Variants in CLASP1 observed in about 807,000 individuals in gnomAD.
CLASP1 encodes CLIP-associating protein 1.
CLASP1 carries 38 observed loss-of-function variants against 192.3 expected under a neutral mutation model. That is an observed-to-expected ratio of 0.20 (90% CI 0.15 to 0.26). The LOEUF is 0.26. Among genes scored for constraint, CLASP1 ranks in the 10% least tolerant of loss-of-function variants. The pLI is 1.00. For missense variants in CLASP1, 1,433 were observed against 1,932.5 expected, an observed-to-expected ratio of 0.74 and a Z score of 4.85; for synonymous variants, 691 against 712.8, an observed-to-expected ratio of 0.97 and a Z score of 0.49.
chr2:121,352,216 A>G (rs2064581148), intron 37 of CLASP1, among the ~76,000 whole-genome samples: 1 of 152,256 alleles, frequency 6.6e-6, no homozygotes, highest in Admixed American at 6.5e-5. Flanking sequence ...GCCTTCCTCC[A>G]GCTCAAGGGC....
intron 2 of CLASP1, among the ~76,000 whole-genome samples, chr2:121,573,962 G>A (rs898314628): frequency 1.3e-5 from 2 of 152,186 alleles, no homozygotes; most frequent in African/African-American, 4.8e-5. Flanking sequence ...GGTTACCAGG[G>A]TGCCTGGGGG....
chr2:121,371,355 C>T (rs1329601172), intron 34 of CLASP1, among the ~76,000 whole-genome samples: 1 of 151,836 alleles, frequency 6.6e-6, no homozygotes, highest in East Asian at 1.9e-4. Context: ...TGCAGCTTCT[C>T]GAGTAGCTGG....
chr2:121,638,709 C>T lies in CLASP1; in HGVS notation c.-286+10663G>A, dbSNP rs1410793736. Among the ~76,000 whole-genome samples, 8 of 150,266 alleles carry T rather than the reference C, an allele frequency of 5.3e-5. 1 individual carries two copies. Among genetic ancestry groups the T allele is most frequent in the Admixed American group, 2.0e-4 (3 of 15,068 alleles). On this transcript the variant is annotated intron_variant, in intron 1 of 39. Transcript: ENST00000263710. ...TGAGACAGAGTTTTGCTCTTTTTGC[C>T]GAGGCTGGAGTGCAGTGGCATGATC... is the stretch of plus-strand genomic sequence containing the variant.
At chr2:121,349,621 GCA>G (rs908541411) in intron 37 of CLASP1, among the ~76,000 whole-genome samples, 19 of 152,194 alleles carry the variant, frequency 1.2e-4, no homozygotes, top group Non-Finnish European at 2.1e-4. Context: ...AGTTGGGAAG[GCA>G]CAGAGAGAAG....
At chr2:121,485,617 A>G (rs1402854595) in intron 8 of CLASP1, among the ~76,000 whole-genome samples, 1 of 152,100 alleles carries the variant, frequency 6.6e-6, no homozygotes, top group Non-Finnish European at 1.5e-5. Flanking sequence ...TAATCTCAGC[A>G]CTTTGGGAGG....
chr2:121,402,168 G>C (rs932804754), intron 26 of CLASP1, among the ~76,000 whole-genome samples: 2 of 152,066 alleles, frequency 1.3e-5, no homozygotes, highest in Non-Finnish European at 2.9e-5. Flanking sequence ...TATAAAATGA[G>C]CCAATAAAAA....
chr2:121,599,960 TTTTG>T (rs2063611414), intron 2 of CLASP1, among the ~76,000 whole-genome samples: 1 of 151,448 alleles, frequency 6.6e-6, no homozygotes, highest in African/African-American at 2.4e-5. Flanking sequence ...AGCTTCAAAG[TTTTG>T]TTTAATATAA....
At chr2:121,418,496 G>T in intron 23 of CLASP1, 126 bp downstream of exon 23, 1 of 696,010 alleles carries the variant, frequency 1.4e-6, no homozygotes, top group Non-Finnish European at 2.5e-6. Flanking sequence ...CTAAGGAAGA[G>T]GAAAGAAAGA....
chr2:121,504,219 C>T (rs1246976758), intron 7 of CLASP1, among the ~76,000 whole-genome samples: 1 of 143,684 alleles, frequency 7.0e-6, no homozygotes, highest in African/African-American at 2.8e-5. Flanking sequence ...GCAACAAGAG[C>T]GAAACTCCGT....
intron 30 of CLASP1, among the ~76,000 whole-genome samples, chr2:121,393,258 C>G (rs1241378794): frequency 6.6e-6 from 1 of 152,064 alleles, no homozygotes; most frequent in East Asian, 1.9e-4. Flanking sequence ...ATTTGGAATA[C>G]CTACCCTAAA....
intron 1 of CLASP1, among the ~76,000 whole-genome samples, chr2:121,642,262 A>T (rs1409980099): frequency 6.6e-6 from 1 of 151,572 alleles, no homozygotes; most frequent in South Asian, 2.1e-4. Context: ...TACAAAAAAT[A>T]CAAAAATTAG....
chr2:121,549,197 T>G (rs2057765990), intron 2 of CLASP1, among the ~76,000 whole-genome samples: 1 of 152,066 alleles, frequency 6.6e-6, no homozygotes, highest in African/African-American at 2.4e-5. Context: ...GAAACTGATC[T>G]CACATGCAAT....
At chr2:121,515,627 T>C (rs762420459) in intron 7 of CLASP1, 38 bp downstream of exon 7, 1 of 1,465,710 alleles carries the variant, frequency 6.8e-7, no homozygotes, top group Non-Finnish European at 9.4e-7. Context: ...GGGCGGGGGG[T>C]TGGGTAGAGC....
chr2:121,344,961 C>G (rs1260027269), intron 39 of CLASP1, among the ~76,000 whole-genome samples: 2 of 152,120 alleles, frequency 1.3e-5, no homozygotes, highest in Non-Finnish European at 2.9e-5. Context: ...AGTTCGAGAC[C>G]AGCCTGGCCA....
intron 30 of CLASP1, among the ~76,000 whole-genome samples, chr2:121,391,558 G>A (rs2074352725): frequency 6.6e-6 from 1 of 152,196 alleles, no homozygotes. Flanking sequence ...TAATAATCTT[G>A]AAAGTAGTAT....
chr2:121,590,046 T>C (rs557698533), intron 2 of CLASP1, among the ~76,000 whole-genome samples: 3 of 152,290 alleles, frequency 2.0e-5, no homozygotes, highest in Admixed American at 2.0e-4. Context: ...CTATTTTATT[T>C]ACCTTATTTC....
intron 8 of CLASP1, among the ~76,000 whole-genome samples, chr2:121,473,633 T>C (rs2091144256): frequency 2.0e-5 from 3 of 152,102 alleles, no homozygotes; most frequent in Admixed American, 2.0e-4. Context: ...AGAAGCTGCA[T>C]GCCCCAAGCA....
At chr2:121,355,757 C>T (rs2065270433) in intron 37 of CLASP1, among the ~76,000 whole-genome samples, 1 of 152,302 alleles carries the variant, frequency 6.6e-6, no homozygotes, top group Non-Finnish European at 1.5e-5. Flanking sequence ...CAAAGGAAGA[C>T]AACACCACTT....
rs935130307 is a variant in CLASP1 at position 121,582,649 on chromosome 2, G to A, written c.195+23052C>T. On this transcript the variant is annotated intron_variant, in intron 2 of 39. Transcript: ENST00000263710. ...AGGGAAAGGGGAAGGGAGAGAGAGG[G>A]AGAGAGAGGGAGAAAGTCTTCTTCC... 2.0e-5 allele frequency among the ~76,000 whole-genome samples: 3 copies of A among 150,716 alleles called. No homozygotes were observed. The East Asian group carries it at 5.9e-4, about 30-fold the overall frequency.
Sources: allele counts gnomAD v4.1 joint callset (sites outside exome capture counted in the v4.1 genomes callset), GRCh38; gene constraint gnomAD v4.1.1; transcripts MANE v1.5; gene names NCBI Gene and HGNC (gene_info 2026-07-23, HGNC 2026-07-21).